Variants in ST18 observed in about 807,000 individuals in gnomAD.
ST18 encodes ST18 C2H2C-type zinc finger transcription factor, also known as suppression of tumorigenicity 18 protein.
A neutral mutation model predicts 110.0 loss-of-function variants in ST18; 50 were observed. The observed-to-expected ratio is 0.45, with a 90% CI of 0.36 to 0.58. The LOEUF is 0.58. Ranked by LOEUF, ST18 falls within the 20% of genes least tolerant of loss-of-function variation. The pLI is 0.00. For missense variants in ST18, 1,306 were observed against 1,280.1 expected, an observed-to-expected ratio of 1.02 and a Z score of -0.31; for synonymous variants, 461 against 452.4, an observed-to-expected ratio of 1.02 and a Z score of -0.24.
intron 2 of ST18, among the ~76,000 whole-genome samples, chr8:52,352,328 G>GT (rs1820738215): frequency 6.6e-6 from 1 of 152,184 alleles, no homozygotes; most frequent in East Asian, 1.9e-4. Context: ...ATTGTGTAAT[G>GT]TAAGATTTCC....
chr8:52,321,287 G>A (rs992238943), intron 2 of ST18, among the ~76,000 whole-genome samples: 11 of 152,122 alleles, frequency 7.2e-5, no homozygotes, highest in Non-Finnish European at 1.6e-4. Flanking sequence ...AATTTCTTAA[G>A]GAAATAAGAT....
Position 52,403,293 on chromosome 8 carries a change from T to C in ST18, c.-465+6035A>G, listed in dbSNP as rs536872998. On this transcript the variant is annotated intron_variant, in intron 2 of 25. Transcript: ENST00000689386. The stretch of plus-strand genomic sequence containing the variant: ...CCCCAAGCAGGACACACTCTAGCAG[T>C]GGCTCTGGTTTCCAGATGGCACAGT... 6.6e-5 allele frequency: 10 copies of C among 152,426 alleles called. 1 individual carries two copies. The highest frequency in any genetic ancestry group is 2.4e-4 in the African/African-American group (10 of 41,574). The allele number at this position is 152,426 out of a possible 1,614,324, so 9.4% of individuals were successfully genotyped here.
chr8:52,128,837 A>G (rs1205575257), intron 22 of ST18, among the ~76,000 whole-genome samples: 1 of 152,154 alleles, frequency 6.6e-6, no homozygotes, highest in Non-Finnish European at 1.5e-5. Flanking sequence ...TAATTATAAT[A>G]ACTATAGCTC....
At chr8:52,130,398 G>A (rs554977581) in intron 22 of ST18, among the ~76,000 whole-genome samples, 113 of 152,136 alleles carry the variant, frequency 7.4e-4, no homozygotes, top group Middle Eastern at 3.4e-3. Context: ...TTAAGCAATC[G>A]TCCTGCCTCA....
intron 2 of ST18, among the ~76,000 whole-genome samples, chr8:52,277,847 C>T (rs2095303944): frequency 6.6e-6 from 1 of 152,042 alleles, no homozygotes; most frequent in Admixed American, 6.6e-5. Flanking sequence ...CCTTTGAGAC[C>T]ATTCTATCTC....
intron 2 of ST18, among the ~76,000 whole-genome samples, chr8:52,335,727 C>G (rs894832886): frequency 6.6e-6 from 1 of 152,134 alleles, no homozygotes; most frequent in African/African-American, 2.4e-5. Flanking sequence ...TAGGGATGCT[C>G]AACCTATACC....
rs1002194873 is a variant in ST18 at position 52,234,764 on chromosome 8, T to A, written c.-464-4687A>T. 8.2e-5 allele frequency among the ~76,000 whole-genome samples: 12 copies of A among 145,494 alleles called. No individual in the cohort carries two copies. In the East Asian group the frequency reaches 2.3e-3, roughly 28 times the overall value. ...GTGTGTGTGTGTGTGTGTGTGTGTG[T>A]GACAGAATACTACACAGCCATAAAA... On this transcript the variant is annotated intron_variant, in intron 2 of 25. Transcript: ENST00000689386.
At chr8:52,226,663 A>G (rs1375485308) in intron 3 of ST18, among the ~76,000 whole-genome samples, 1 of 152,228 alleles carries the variant, frequency 6.6e-6, no homozygotes, top group Non-Finnish European at 1.5e-5. Context: ...AAACTGTTTT[A>G]TTAAACTAAC....
chr8:52,189,785 G>C (rs929208975), intron 8 of ST18, among the ~76,000 whole-genome samples: 2 of 152,210 alleles, frequency 1.3e-5, no homozygotes, highest in Non-Finnish European at 2.9e-5. Context: ...TATGGGGGCA[G>C]ATCACAAATG....
At chr8:52,193,615 A>G (rs1026070043) in intron 8 of ST18, among the ~76,000 whole-genome samples, 13 of 151,786 alleles carry the variant, frequency 8.6e-5, no homozygotes, top group Non-Finnish European at 1.8e-4. Context: ...CAATCTGTAC[A>G]TGGCTAACTG....
chr8:52,365,534 A>C (rs1827519395), intron 2 of ST18, among the ~76,000 whole-genome samples: 1 of 152,184 alleles, frequency 6.6e-6, no homozygotes, highest in Admixed American at 6.5e-5. Context: ...AAAATGTTAT[A>C]TACATAATAT....
intron 2 of ST18, chr8:52,313,424 A>G (rs931968415): frequency 1.3e-5 from 2 of 156,548 alleles, no homozygotes; most frequent in Admixed American, 6.3e-5. Flanking sequence ...CTCTATTACC[A>G]GGGTTTGGGA....
At chr8:52,303,254 G>C (rs1257766992) in intron 2 of ST18, among the ~76,000 whole-genome samples, 1 of 152,256 alleles carries the variant, frequency 6.6e-6, no homozygotes, top group Non-Finnish European at 1.5e-5. Context: ...CTTGCCTCCA[G>C]TGGCCATGGG....
At chr8:52,357,706 TATATATATATATATATA>T (rs1564568441) in intron 2 of ST18, among the ~76,000 whole-genome samples, 4,656 of 110,162 alleles carry the variant, frequency 0.042, 294 homozygotes, top group African/African-American at 0.11. Context: ...TATATATATA[TATATATATATATATATA>T]TATATATAAA....
chr8:52,248,128 A>G (rs2094001978), intron 2 of ST18, among the ~76,000 whole-genome samples: 1 of 152,168 alleles, frequency 6.6e-6, no homozygotes, highest in Non-Finnish European at 1.5e-5. Flanking sequence ...TTATTTACCT[A>G]TATTATGAAT....
chr8:52,343,884 T>C (rs1816409682), intron 2 of ST18, among the ~76,000 whole-genome samples: 1 of 152,228 alleles, frequency 6.6e-6, no homozygotes, highest in African/African-American at 2.4e-5. Flanking sequence ...TTAAAGGAAA[T>C]ATTATACTCT....
intron 2 of ST18, among the ~76,000 whole-genome samples, chr8:52,237,016 A>G (rs192627669): frequency 1.3e-5 from 2 of 152,340 alleles, no homozygotes; most frequent in Admixed American, 1.3e-4. Flanking sequence ...CTGTGATCTC[A>G]GAACTGCAGT....
chr8:52,368,764 C>A (rs904656567), intron 2 of ST18, among the ~76,000 whole-genome samples: 1 of 152,100 alleles, frequency 6.6e-6, no homozygotes, highest in Non-Finnish European at 1.5e-5. Flanking sequence ...TAGTGGGCAA[C>A]AACTGTAACA....
At chr8:52,151,717 T>G (rs1369229565) in intron 15 of ST18, among the ~76,000 whole-genome samples, 1 of 152,154 alleles carries the variant, frequency 6.6e-6, no homozygotes, top group Non-Finnish European at 1.5e-5. Flanking sequence ...GCTATAGTAA[T>G]CAAGTTTAAT....
Sources: gnomAD v4.1 joint callset for allele counts (sites outside exome capture counted in the v4.1 genomes callset) on GRCh38, gnomAD v4.1.1 for gene constraint, MANE v1.5 for transcripts, NCBI Gene and HGNC (gene_info 2026-07-23, HGNC 2026-07-21) for gene names.